The following INPP4B variants were observed in gnomAD, a reference collection of about 807,000 sequenced individuals.
INPP4B encodes the protein inositol polyphosphate 4-phosphatase type II.
Under a neutral mutation model 122.5 loss-of-function variants are expected in INPP4B, and 55 were observed. The ratio of observed to expected loss-of-function variants is 0.45; its 90% CI spans 0.36 to 0.56. The LOEUF is 0.56. Ranked by LOEUF, INPP4B falls within the 20% of genes least tolerant of loss-of-function variation. INPP4B has a pLI of 0.00. For synonymous variants in INPP4B, 403 were observed against 388.7 expected, an observed-to-expected ratio of 1.04 and a Z score of -0.43; for missense variants, 1,000 against 1,097.7, an observed-to-expected ratio of 0.91 and a Z score of 1.26.
At chr4:142,032,587 T>C (rs1740993458) in intron 25 of INPP4B, among the ~76,000 whole-genome samples, 1 of 152,162 alleles carries the variant, frequency 6.6e-6, no homozygotes, top group Admixed American at 6.6e-5. Context: ...TTTCAAAAAA[T>C]ATATATTAGT....
intron 2 of INPP4B, among the ~76,000 whole-genome samples, chr4:142,624,491 G>C (rs1263403448): frequency 6.6e-6 from 1 of 151,998 alleles, no homozygotes; most frequent in Non-Finnish European, 1.5e-5. Flanking sequence ...TGAGTAGGTT[G>C]TGAAAATTTT....
chr4:142,287,819 A>G (rs1202541377), intron 9 of INPP4B, among the ~76,000 whole-genome samples: 3 of 152,224 alleles, frequency 2.0e-5, no homozygotes, highest in African/African-American at 7.2e-5. Flanking sequence ...GGACTACCAT[A>G]ACAAAATAGC....
intron 25 of INPP4B, among the ~76,000 whole-genome samples, chr4:142,050,820 C>G (rs1241932562): frequency 6.6e-6 from 1 of 151,936 alleles, no homozygotes; most frequent in Non-Finnish European, 1.5e-5. Context: ...CCAGGATGGA[C>G]CACCATGGAT....
chr4:142,081,442 T>C (rs960900705), intron 25 of INPP4B, among the ~76,000 whole-genome samples: 2 of 152,170 alleles, frequency 1.3e-5, no homozygotes, highest in African/African-American at 4.8e-5. Flanking sequence ...GCACAGCATT[T>C]TAAATGTCGG....
chr4:142,606,315 A>C (rs538892822), intron 2 of INPP4B, among the ~76,000 whole-genome samples: 73 of 152,006 alleles, frequency 4.8e-4, no homozygotes, highest in African/African-American at 1.7e-3. Context: ...TAGATAGAAG[A>C]AATAAGTTCA....
At chr4:142,381,121 A>G (rs1478577807) in intron 7 of INPP4B, among the ~76,000 whole-genome samples, 1 of 152,176 alleles carries the variant, frequency 6.6e-6, no homozygotes, top group East Asian at 1.9e-4. Flanking sequence ...TTCAAAATTA[A>G]GAGTAACATT....
At position 142,753,182 on chromosome 4, in the gene INPP4B, G is replaced by A. The variant is rs1769990481; in HGVS notation, c.-253-27281C>T. 2.0e-5 allele frequency among the ~76,000 whole-genome samples: 3 copies of A among 152,076 alleles called. No individual in the cohort carries two copies. In the South Asian group the frequency reaches 6.2e-4, roughly 31 times the overall value. On this transcript the variant is annotated intron_variant, in intron 1 of 25. Transcript: ENST00000262992. ...TATAAGACCGTTCTTACACCAACCA[G>A]ATTTGGACTTATACCAATTAGTTAT...
intron 2 of INPP4B, among the ~76,000 whole-genome samples, chr4:142,646,243 C>T (rs1263083513): frequency 6.6e-6 from 1 of 151,956 alleles, no homozygotes; most frequent in Non-Finnish European, 1.5e-5. Context: ...TTTTAAACAT[C>T]AACACAAGAA....
At chr4:142,709,957 C>T (rs1762911555) in intron 2 of INPP4B, among the ~76,000 whole-genome samples, 1 of 152,286 alleles carries the variant, frequency 6.6e-6, no homozygotes, top group Admixed American at 6.5e-5. Flanking sequence ...CGCAAGTTTT[C>T]TGACTTTCAA....
chr4:142,088,609 A>T (rs1777968567), intron 23 of INPP4B, among the ~76,000 whole-genome samples: 1 of 152,232 alleles, frequency 6.6e-6, no homozygotes, highest in South Asian at 2.1e-4. Context: ...AACAGTGGCC[A>T]TCTTTAGGCT....
intron 15 of INPP4B, among the ~76,000 whole-genome samples, chr4:142,192,415 A>G (rs1051033093): frequency 1.3e-5 from 2 of 151,208 alleles, no homozygotes; most frequent in Non-Finnish European, 2.9e-5. Context: ...ATACCTGGAT[A>G]ATGCACTTTA....
chr4:142,050,881 C>CAGAT (rs1754189255), intron 25 of INPP4B, among the ~76,000 whole-genome samples: 1 of 152,012 alleles, frequency 6.6e-6, no homozygotes, highest in African/African-American at 2.4e-5. Context: ...TCTGGGTCCA[C>CAGAT]AGATACAACC....
At chr4:142,354,798 TA>T (rs1783037069) in intron 7 of INPP4B, among the ~76,000 whole-genome samples, 1 of 152,032 alleles carries the variant, frequency 6.6e-6, no homozygotes, top group Non-Finnish European at 1.5e-5. Flanking sequence ...TTCCAGAGAT[TA>T]GGGAGACAAG....
chr4:142,689,369 G>A (rs1209408578), intron 2 of INPP4B, among the ~76,000 whole-genome samples: 2 of 152,118 alleles, frequency 1.3e-5, no homozygotes, highest in Non-Finnish European at 2.9e-5. Flanking sequence ...TGTTGGGTAT[G>A]GACTAGCACC....
At chr4:142,533,684 G>C (rs1827875652) in intron 2 of INPP4B, among the ~76,000 whole-genome samples, 1 of 152,100 alleles carries the variant, frequency 6.6e-6, no homozygotes, top group African/African-American at 2.4e-5. Context: ...TAATAAAAAT[G>C]TTACCTTGAC....
intron 12 of INPP4B, among the ~76,000 whole-genome samples, chr4:142,231,686 C>T (rs1161003741): frequency 1.3e-5 from 2 of 152,066 alleles, no homozygotes; most frequent in Admixed American, 6.6e-5. Context: ...CTTTTAAATT[C>T]TCCCTTTTCC....
chr4:142,623,563 T>C (rs1190051724), intron 2 of INPP4B, among the ~76,000 whole-genome samples: 3 of 151,936 alleles, frequency 2.0e-5, no homozygotes, highest in Non-Finnish European at 2.9e-5. Flanking sequence ...ATTCACTCCT[T>C]TTTTAAATTT....
At chr4:142,603,357 C>T (rs981933499) in intron 2 of INPP4B, among the ~76,000 whole-genome samples, 11 of 151,758 alleles carry the variant, frequency 7.2e-5, no homozygotes, top group African/African-American at 2.7e-4. Flanking sequence ...GAAACCTGCA[C>T]ATCTGCACAT....
At chr4:142,227,874 A>AAG (rs1554011114) in intron 12 of INPP4B, among the ~76,000 whole-genome samples, 5 of 149,362 alleles carry the variant, frequency 3.3e-5, no homozygotes, top group African/African-American at 1.2e-4. Flanking sequence ...AAAAAAAAAA[A>AAG]AAAAAAGAAA....
Sources: allele counts gnomAD v4.1 joint callset (sites outside exome capture counted in the v4.1 genomes callset), GRCh38; gene constraint gnomAD v4.1.1; transcripts MANE v1.5; gene names NCBI Gene and HGNC (gene_info 2026-07-23, HGNC 2026-07-21).